ARMH4: variants seen among roughly 807,000 people sequenced by gnomAD.
The protein encoded by ARMH4 is armadillo-like helical domain-containing protein 4.
A neutral mutation model predicts 61.9 loss-of-function variants in ARMH4; 49 were observed. The ratio of observed to expected loss-of-function variants is 0.79; its 90% CI spans 0.63 to 1.00. The LOEUF is 1.00. ARMH4 is among the 50% of genes least tolerant of loss of function. The pLI, the probability that ARMH4 is intolerant of heterozygous loss-of-function variation, is 0.00. For missense variants in ARMH4, 934 were observed against 930.0 expected, an observed-to-expected ratio of 1.00 and a Z score of -0.06; for synonymous variants, 368 against 341.5, an observed-to-expected ratio of 1.08 and a Z score of -0.85.
intron 5 of ARMH4, among the ~76,000 whole-genome samples, chr14:58,038,869 T>G (rs1162995555): frequency 6.6e-6 from 1 of 152,172 alleles, no homozygotes; most frequent in Non-Finnish European, 1.5e-5. Flanking sequence ...TTACTGAAAA[T>G]AAGGATGCAA....
At chr14:58,133,399 A>G in intron 2 of ARMH4, 58 bp from the exon 3 acceptor site, 2 of 1,517,848 alleles carry the variant, frequency 1.3e-6, no homozygotes, top group Non-Finnish European at 1.8e-6. Context: ...TAAAAAAAAA[A>G]AATCATGATA....
At chr14:58,104,883 C>T (rs1194572427) in intron 4 of ARMH4, among the ~76,000 whole-genome samples, 1 of 151,966 alleles carries the variant, frequency 6.6e-6, no homozygotes, top group African/African-American at 2.4e-5. Flanking sequence ...TTTTTTAAAC[C>T]CATATCTAAA....
At chr14:58,137,731 T>C (rs1490426149) in intron 2 of ARMH4, among the ~76,000 whole-genome samples, 1 of 152,178 alleles carries the variant, frequency 6.6e-6, no homozygotes, top group Non-Finnish European at 1.5e-5. Flanking sequence ...CTTCTGCTTT[T>C]CTTTTTATTT....
At chr14:58,066,912 G>T (rs971932060) in intron 5 of ARMH4, among the ~76,000 whole-genome samples, 4 of 152,114 alleles carry the variant, frequency 2.6e-5, no homozygotes, top group African/African-American at 7.2e-5. Flanking sequence ...ACAAAATATG[G>T]TTACTACTAA....
intron 5 of ARMH4, among the ~76,000 whole-genome samples, chr14:58,068,675 G>T (rs1398718807): frequency 6.6e-6 from 1 of 152,072 alleles, no homozygotes; most frequent in Non-Finnish European, 1.5e-5. Context: ...GAACTGAATT[G>T]ATATAACCAA....
chr14:58,151,828 T>G (rs998232596), intron 1 of ARMH4, among the ~76,000 whole-genome samples: 38 of 152,208 alleles, frequency 2.5e-4, no homozygotes, highest in African/African-American at 8.4e-4. Flanking sequence ...AGGAGTGCGG[T>G]GAGTCCTCCG....
chr14:58,059,397 T>C (rs537742591), intron 5 of ARMH4, among the ~76,000 whole-genome samples: 147 of 152,334 alleles, frequency 9.6e-4, no homozygotes, highest in African/African-American at 3.4e-3. Flanking sequence ...GATATCACTG[T>C]AGAAAGCGGG....
chr14:58,038,964 G>A (rs931279709), intron 5 of ARMH4, among the ~76,000 whole-genome samples: 2 of 152,154 alleles, frequency 1.3e-5, no homozygotes, highest in African/African-American at 4.8e-5. Flanking sequence ...TGTCGTTGGG[G>A]TGCATAGGTA....
intron 4 of ARMH4, among the ~76,000 whole-genome samples, chr14:58,100,161 T>C (rs1299531693): frequency 1.3e-5 from 2 of 152,144 alleles, no homozygotes; most frequent in Non-Finnish European, 2.9e-5. Context: ...GGGATCTTTA[T>C]ATTTCTTTTA....
At chr14:58,077,458 T>C (rs1362143190) in intron 5 of ARMH4, among the ~76,000 whole-genome samples, 1 of 152,078 alleles carries the variant, frequency 6.6e-6, no homozygotes, top group African/African-American at 2.4e-5. Context: ...ACTTTTTTAA[T>C]TAGTCAGGAA....
chr14:58,068,715 G>A (rs190507026), intron 5 of ARMH4, among the ~76,000 whole-genome samples: 32 of 152,180 alleles, frequency 2.1e-4, no homozygotes, highest in Admixed American at 1.5e-3. Context: ...ACAGCTTAAA[G>A]AAGACTCTAG....
intron 5 of ARMH4, among the ~76,000 whole-genome samples, chr14:58,013,065 A>C (rs1181889794): frequency 6.6e-6 from 1 of 152,248 alleles, no homozygotes; most frequent in East Asian, 1.9e-4. Context: ...TATCAAACAA[A>C]AGAAATAAGT....
At chr14:58,132,313 T>A (rs547545004) in intron 3 of ARMH4, among the ~76,000 whole-genome samples, 31 of 152,330 alleles carry the variant, frequency 2.0e-4, no homozygotes, top group African/African-American at 7.0e-4. Flanking sequence ...TGATTTCAAA[T>A]TCTTAAAATA....
In ARMH4 at chr14:58,132,581, C is replaced by CTTTTTTTTTTTT. The variant is rs71448942; in HGVS notation, c.1621+497_1621+508dup. 1.5e-4 allele frequency among the ~76,000 whole-genome samples: 13 copies of CTTTTTTTTTTTT among 86,020 alleles called. 1 individual carries two copies. The highest frequency in any genetic ancestry group is 1.8e-4 in the Non-Finnish European group (8 of 43,260). The allele number at this position is 86,020 out of a possible 152,430, so 56.4% of individuals were successfully genotyped here. ...TTACTTACAAACTAAACCCTTGTCC[C>CTTTTTTTTTTTT]TTTTTTTTTTTTTTTTTTTTTTTGG... On this transcript the variant is annotated intron_variant, in intron 3 of 7. Coordinates refer to ENST00000267485, the MANE Select transcript of ARMH4 (RefSeq NM_001001872.4).
At chr14:58,075,900 T>C (rs2141234780) in intron 5 of ARMH4, among the ~76,000 whole-genome samples, 1 of 152,320 alleles carries the variant, frequency 6.6e-6, no homozygotes, top group Admixed American at 6.5e-5. Context: ...TTTCACTATC[T>C]ATATCTTAGG....
In ARMH4 at chr14:58,002,906, C is replaced by T. The variant is rs548195361; in HGVS notation, c.*1830G>A. The T allele has an allele frequency of 6.6e-6, 1 of 152,310 alleles. No individual in the cohort carries two copies. Among genetic ancestry groups the T allele is most frequent in the South Asian group, 2.1e-4 (1 of 4,824 alleles). 9.4% of individuals were successfully genotyped at this position (152,310 alleles called of 1,614,324 possible). On this transcript the variant is annotated 3_prime_UTR_variant, in exon 8 of 8. Coordinates refer to ENST00000267485, the MANE Select transcript of ARMH4 (RefSeq NM_001001872.4). ...TTGATCAGTTTCACATATTTGCTTA[C>T]ATCTCTTGGCAAAAAGAGTTAAAAT...
At chr14:58,123,454 C>T (rs937269910) in intron 4 of ARMH4, among the ~76,000 whole-genome samples, 2 of 152,142 alleles carry the variant, frequency 1.3e-5, no homozygotes, top group African/African-American at 4.8e-5. Flanking sequence ...CTAGTGAAAT[C>T]ATGCAATAGC....
At position 58,083,452 on chromosome 14, in the gene ARMH4, G is replaced by A. The variant is rs915538993; in HGVS notation, c.2089+13272C>T. On this transcript the variant is annotated intron_variant, in intron 5 of 7. Coordinates refer to ENST00000267485, the MANE Select transcript of ARMH4 (RefSeq NM_001001872.4). ...AAAAATATTAGCCAGACATGGTGGC[G>A]TGTGCCTGTAGTCCCAGCTACTCAG... Among the ~76,000 whole-genome samples, 7 of 152,188 alleles carry A rather than the reference G, an allele frequency of 4.6e-5. No homozygotes were observed. In the East Asian group the frequency reaches 7.7e-4, roughly 17 times the overall value.
chr14:58,091,384 T>A (rs1262626464), intron 5 of ARMH4, among the ~76,000 whole-genome samples: 1 of 152,262 alleles, frequency 6.6e-6, no homozygotes, highest in Middle Eastern at 3.4e-3. Flanking sequence ...TGGGAAAAAC[T>A]TGTGTCACTC....
Sources: allele counts gnomAD v4.1 joint callset (sites outside exome capture counted in the v4.1 genomes callset), GRCh38; gene constraint gnomAD v4.1.1; transcripts MANE v1.5; gene names NCBI Gene and HGNC (gene_info 2026-07-23, HGNC 2026-07-21).